The following PBX4 variants were observed in gnomAD, a reference collection of about 807,000 sequenced individuals.
The protein encoded by PBX4 is PBX homeobox 4.
PBX4 carries 26 observed loss-of-function variants against 35.1 expected under a neutral mutation model. The ratio of observed to expected loss-of-function variants is 0.74; its 90% CI spans 0.54 to 1.03. PBX4 has a LOEUF of 1.03. Ranked by LOEUF, PBX4 falls within the 50% of genes least tolerant of loss-of-function variation. The pLI, the probability that PBX4 is intolerant of heterozygous loss-of-function variation, is 0.00. For synonymous variants in PBX4, 199 were observed against 204.2 expected, an observed-to-expected ratio of 0.97 and a Z score of 0.22; for missense variants, 448 against 504.3, an observed-to-expected ratio of 0.89 and a Z score of 1.07.
At chr19:19,599,433 A>C in intron 1 of PBX4, 68 bp from the exon 2 acceptor site, 1 of 1,381,714 alleles carries the variant, frequency 7.2e-7, no homozygotes, top group Non-Finnish European at 1.0e-6. Flanking sequence ...AAGAGTAAAG[A>C]TCTTCCATAC....
intron 1 of PBX4, among the ~76,000 whole-genome samples, chr19:19,616,267 C>T (rs988543925): frequency 1.3e-5 from 2 of 152,126 alleles, no homozygotes; most frequent in Admixed American, 6.6e-5. Flanking sequence ...TTTATTTTTC[C>T]CCATTGCAAC....
intron 1 of PBX4, 98 bp downstream of exon 1, chr19:19,618,413 G>A: frequency 8.8e-7 from 1 of 1,140,128 alleles, no homozygotes; most frequent in Non-Finnish European, 1.1e-6. Context: ...CCCTCCTCAA[G>A]CGCCCCTCGT....
intron 2 of PBX4, chr19:19,588,011 C>T: frequency 1.8e-6 from 1 of 556,552 alleles, no homozygotes; most frequent in East Asian, 3.5e-5. Context: ...TCCCTTTCTG[C>T]TGGTAATAGT....
At chr19:19,569,308 C>T (rs1376878244) in intron 5 of PBX4, 141 bp downstream of exon 5, 1 of 1,151,772 alleles carries the variant, frequency 8.7e-7, no homozygotes. Context: ...GACCCTCCTA[C>T]CTCATCCTCC....
chr19:19,584,426 G>A (rs950862608), intron 2 of PBX4, among the ~76,000 whole-genome samples: 82 of 152,166 alleles, frequency 5.4e-4, no homozygotes, highest in African/African-American at 1.8e-3. Flanking sequence ...GTCCAGTCAA[G>A]GAGACCAGAA....
chr19:19,564,149 C>T (rs1299876348), intron 6 of PBX4, among the ~76,000 whole-genome samples: 9 of 119,386 alleles, frequency 7.5e-5, no homozygotes, highest in Admixed American at 5.7e-4. Flanking sequence ...CCCCTCCCCC[C>T]ACCCCACAAC....
At chr19:19,585,785 T>C (rs1444727156) in intron 2 of PBX4, among the ~76,000 whole-genome samples, 4 of 152,176 alleles carry the variant, frequency 2.6e-5, no homozygotes, top group African/African-American at 7.2e-5. Context: ...CTTTGTGAGA[T>C]CCACCCCCTG....
At chr19:19,601,476 C>T (rs1407347408) in intron 1 of PBX4, among the ~76,000 whole-genome samples, 1 of 152,124 alleles carries the variant, frequency 6.6e-6, no homozygotes, top group East Asian at 1.9e-4. Context: ...GATAATGGCT[C>T]CCAAAAGGGT....
intron 1 of PBX4, among the ~76,000 whole-genome samples, chr19:19,600,883 T>C (rs1027520186): frequency 6.6e-6 from 1 of 150,896 alleles, no homozygotes; most frequent in African/African-American, 2.4e-5. Context: ...CAACTTGAAA[T>C]CTGTGTTCAC....
rs1363931263 is a variant in PBX4, at chr19:19,599,278, T to C, written c.193+14A>G. 5 of 1,608,102 alleles carry C rather than the reference T, an allele frequency of 3.1e-6. No individual in the cohort carries two copies. The highest frequency in any genetic ancestry group is 4.3e-6 in the Non-Finnish European group (5 of 1,175,634). On this transcript the variant is annotated intron_variant, in intron 2 of 7. Transcript: ENST00000251203. ...CACCACGCTCGGCCAGAAAGTGTCT[T>C]CTAAACAGCCTACCTGTCTTTTCCT...
At position 19,570,437 on chromosome 19, in the gene PBX4, G is replaced by T. The variant is rs2061374884; in HGVS notation, c.442-138C>A. The stretch of plus-strand genomic sequence containing the variant: ...GGGTGACTGTTAAGTAAATGGAAAG[G>T]GCTTTCAGTAACAATGGACCACCTC... On this transcript the variant is annotated intron_variant, in intron 3 of 7. Coordinates refer to ENST00000251203, the MANE Select transcript of PBX4 (RefSeq NM_025245.3). 1.0e-5 allele frequency: 15 copies of T among 1,432,958 alleles called. No individual in the cohort carries two copies. The Admixed American group carries it at 1.3e-4, about 12-fold the overall frequency. 88.8% of individuals were successfully genotyped at this position (1,432,958 alleles called of 1,614,324 possible).
chr19:19,618,033 C>A (rs890188039), intron 1 of PBX4, among the ~76,000 whole-genome samples: 2 of 152,110 alleles, frequency 1.3e-5, no homozygotes, highest in Non-Finnish European at 2.9e-5. Context: ...GTTGCACGTG[C>A]GCCTGTGGTC....
intron 5 of PBX4, among the ~76,000 whole-genome samples, chr19:19,566,100 C>T (rs750285978): frequency 1.3e-5 from 2 of 151,952 alleles, no homozygotes; most frequent in South Asian, 2.1e-4. Context: ...CAGCTGTTAT[C>T]GTCCCTGCTG....
intron 2 of PBX4, among the ~76,000 whole-genome samples, chr19:19,583,830 G>A (rs1009923718): frequency 6.6e-6 from 1 of 152,104 alleles, no homozygotes; most frequent in East Asian, 1.9e-4. Context: ...AGCACTTTGG[G>A]AGGTTGAGGC....
chr19:19,587,468 A>T (rs1045203716), intron 2 of PBX4, among the ~76,000 whole-genome samples: 1 of 150,954 alleles, frequency 6.6e-6, no homozygotes, highest in African/African-American at 2.4e-5. Context: ...GACTCCTGTA[A>T]TCCCAGCTAC....
At chr19:19,590,470 C>CTT (rs552985140) in intron 2 of PBX4, among the ~76,000 whole-genome samples, 10 of 139,996 alleles carry the variant, frequency 7.1e-5, no homozygotes, top group African/African-American at 1.8e-4. Flanking sequence ...TGTTTTCTTT[C>CTT]TTTTTTTTTT....
At position 19,576,057 on chromosome 19, in the gene PBX4, G is replaced by T. The variant is rs578077723; in HGVS notation, c.194-5224C>A. Among the ~76,000 whole-genome samples, 8 of 152,088 alleles carry T rather than the reference G, an allele frequency of 5.3e-5. No individual in the cohort carries two copies. In the South Asian group the frequency reaches 1.2e-3, roughly 24 times the overall value. ...TGTTCATGTGGGTGTGAAATGCAGGGCTGCCGCAGAATATGTGGCATTCTT... is the reference window on the plus strand; with the variant it reads ...TGTTCATGTGGGTGTGAAATGCAGGTCTGCCGCAGAATATGTGGCATTCTT... On this transcript the variant is annotated intron_variant, in intron 2 of 7. Transcript: ENST00000251203.
intron 1 of PBX4, among the ~76,000 whole-genome samples, chr19:19,608,848 G>A (rs1444900118): frequency 6.6e-6 from 1 of 152,158 alleles, no homozygotes; most frequent in African/African-American, 2.4e-5. Context: ...TAGTCTTGCT[G>A]AAGGGCTAAC....
At chr19:19,566,342 G>A (rs2061341790) in intron 5 of PBX4, among the ~76,000 whole-genome samples, 2 of 152,144 alleles carry the variant, frequency 1.3e-5, no homozygotes. Context: ...TTCTCTAGTC[G>A]TGACAACAAA....
Sources: allele counts gnomAD v4.1 joint callset (sites outside exome capture counted in the v4.1 genomes callset), GRCh38; gene constraint gnomAD v4.1.1; transcripts MANE v1.5; gene names NCBI Gene and HGNC (gene_info 2026-07-23, HGNC 2026-07-21).